Variants in ZNF827 observed in about 807,000 individuals in gnomAD.
ZNF827 encodes the protein zinc finger protein 827.
A neutral mutation model predicts 102.4 loss-of-function variants in ZNF827; 13 were observed. The observed-to-expected ratio is 0.13, with a 90% confidence interval of 0.08 to 0.20. ZNF827 has a LOEUF of 0.20. Among genes scored for constraint, ZNF827 ranks in the 10% least tolerant of loss-of-function variants. The pLI, the probability that ZNF827 is intolerant of heterozygous loss-of-function variation, is 1.00. For synonymous variants in ZNF827, 523 were observed against 536.2 expected (o/e 0.98, Z 0.34); for missense variants, 1,103 against 1,344.4 (o/e 0.82, Z 2.81).
At chr4:145,825,536 G>A (rs528214296) in intron 7 of ZNF827, among the ~76,000 whole-genome samples, 6 of 152,288 alleles carry the variant, frequency 3.9e-5, no homozygotes, top group South Asian at 2.1e-4. Context: ...AGCCAGCAGC[G>A]ACACTTGCAG....
At chr4:145,805,796 A>G (rs1359333829) in intron 8 of ZNF827, among the ~76,000 whole-genome samples, 1 of 151,884 alleles carries the variant, frequency 6.6e-6, no homozygotes, top group African/African-American at 2.4e-5. Context: ...TTCCGCGGTC[A>G]AGCTCACCCT....
chr4:145,764,600 A>G (rs1735001435), intron 13 of ZNF827: 1 of 217,692 alleles, frequency 4.6e-6, no homozygotes. Flanking sequence ...GTAGCAAGCC[A>G]TCGGAAAAAC....
At chr4:145,801,468 C>T (rs1271707968) in intron 8 of ZNF827, among the ~76,000 whole-genome samples, 1 of 152,190 alleles carries the variant, frequency 6.6e-6, no homozygotes, top group East Asian at 1.9e-4. Context: ...TCCATGGGAT[C>T]AGCTAATTCA....
chr4:145,895,709 T>A (rs543145307), intron 2 of ZNF827, among the ~76,000 whole-genome samples: 4 of 152,180 alleles, frequency 2.6e-5, no homozygotes, highest in Admixed American at 6.5e-5. Context: ...TTTAGAGACG[T>A]TCTCCATGTG....
intron 5 of ZNF827, among the ~76,000 whole-genome samples, chr4:145,862,069 C>T (rs555289674): frequency 1.3e-5 from 2 of 151,976 alleles, no homozygotes; most frequent in Non-Finnish European, 2.9e-5. Context: ...CCATATGGGG[C>T]GGGGGAAAGC....
chr4:145,891,497 T>C (rs371887495), intron 3 of ZNF827, among the ~76,000 whole-genome samples: 11 of 152,222 alleles, frequency 7.2e-5, no homozygotes, highest in African/African-American at 2.7e-4. Flanking sequence ...TTTTCCCCCA[T>C]CTCATATAAG....
chr4:145,776,056 G>C, intron 9 of ZNF827, 96 bp from the exon 10 acceptor site: 1 of 1,373,218 alleles, frequency 7.3e-7, no homozygotes, highest in South Asian at 1.3e-5. Flanking sequence ...AGGAAAGAAT[G>C]GTTCAAGTCA....
chr4:145,809,702 C>T (rs1035130165), intron 8 of ZNF827, among the ~76,000 whole-genome samples: 10 of 152,184 alleles, frequency 6.6e-5, no homozygotes, highest in African/African-American at 2.2e-4. Flanking sequence ...AACTGACTGA[C>T]CCCACCCAGA....
intron 13 of ZNF827, 159 bp downstream of exon 13, chr4:145,764,829 A>C: frequency 1.1e-6 from 1 of 933,284 alleles, no homozygotes; most frequent in Non-Finnish European, 1.7e-6. Context: ...GGTCTAATTC[A>C]ATCCAGCTAA....
intron 1 of ZNF827, chr4:145,907,180 A>G (rs76913374): frequency 0.014 from 6,173 of 456,620 alleles, 230 homozygotes; most frequent in African/African-American, 0.096. Context: ...TTCACAAAAC[A>G]GCAAGGATTT....
chr4:145,938,471 C>T lies in ZNF827; in HGVS notation c.-64G>A, dbSNP rs1754397335. ...GAGATCAAATAAACCCCCGTGGGGG[C>T]AGAGAGGCAGACACTGGCAGGAGCG... is the stretch of plus-strand genomic sequence containing the variant. On this transcript the variant is annotated 5_prime_UTR_variant, in exon 1 of 15. Coordinates refer to ENST00000508784, the MANE Select transcript of ZNF827 (RefSeq NM_001306215.2). The T allele has an allele frequency of 1.7e-6, 2 of 1,196,074 alleles. No homozygotes were observed. Among genetic ancestry groups the T allele is most frequent in the African/African-American group, 3.8e-5 (2 of 52,108 alleles). The allele number at this position is 1,196,074 out of a possible 1,614,324, so 74.1% of individuals were successfully genotyped here.
At position 145,775,833 on chromosome 4, in the gene ZNF827, G is replaced by T; in HGVS notation, c.2649C>A (p.Val883=). ...STDTEDIVSA[V]TSEGSDGKKH... is the part of the protein sequence containing the mutation. ...TCTTCCCATCACTGCCTTCAGAGGT[G>T]ACGGCGCTGACAATGTCCTCGGTGT... Residue 883 remains valine (V), a synonymous_variant, in exon 10 of 15, where the codon GTC becomes GTA. Coordinates refer to ENST00000508784, the MANE Select transcript of ZNF827 (RefSeq NM_001306215.2). The T allele has an allele frequency of 6.2e-7, 1 of 1,614,194 alleles. No individual in the cohort carries two copies. Among genetic ancestry groups the T allele is most frequent in the Non-Finnish European group, 8.5e-7 (1 of 1,180,038 alleles).
chr4:145,902,307 G>A lies in ZNF827; in HGVS notation c.952C>T (p.Pro318Ser), dbSNP rs1355408841. 6.3e-7 allele frequency: 1 copy of A among 1,598,658 alleles called. No individual in the cohort carries two copies. The highest frequency in any genetic ancestry group is 1.1e-5 in the South Asian group (1 of 88,062). The change falls in exon 2 of 15, where the codon CCG becomes TCG. Residue 318 changes from proline (P) to serine (S), a missense_variant. Around this residue, in one of 5 missense-constraint regions of ZNF827, gnomAD observed 441 missense variants for 458.6 expected, o/e 0.96. Transcript: ENST00000508784. This position sits in a 1 kb window ranked among gnomAD's most constrained non-coding sequence, Gnocchi z 4.3. ...TTTTCTGGTTTCTTCTCTGAAGGCG[G>A]GGGCGGTAGAGGGTCCTCAGGCAGC... is the stretch of plus-strand genomic sequence containing the variant. ...SLLPEDPLPP[P>S]PSEKKPEKVT...
At chr4:145,855,161 A>G (rs188859309) in intron 5 of ZNF827, among the ~76,000 whole-genome samples, 10 of 152,364 alleles carry the variant, frequency 6.6e-5, no homozygotes, top group Non-Finnish European at 1.2e-4. Context: ...TGGCACTGAT[A>G]TAAACAATAT....
At chr4:145,870,719 C>T in intron 4 of ZNF827, 1 of 412,272 alleles carries the variant, frequency 2.4e-6, no homozygotes, top group Non-Finnish European at 4.4e-6. Context: ...GAAGTGCTAC[C>T]TCTACAAAGT....
At chr4:145,886,991 G>A (rs1373698550) in intron 3 of ZNF827, among the ~76,000 whole-genome samples, 1 of 152,262 alleles carries the variant, frequency 6.6e-6, no homozygotes, top group Admixed American at 6.5e-5. Flanking sequence ...ATTGGCCTGA[G>A]CCAGGCTTTG....
intron 8 of ZNF827, among the ~76,000 whole-genome samples, chr4:145,810,276 G>A (rs1378186898): frequency 6.6e-6 from 1 of 151,990 alleles, no homozygotes; most frequent in African/African-American, 2.4e-5. Flanking sequence ...GCTTACTGAA[G>A]GAAGACGGCT....
At chr4:145,781,779 A>G (rs1307687201) in intron 8 of ZNF827, among the ~76,000 whole-genome samples, 1 of 152,252 alleles carries the variant, frequency 6.6e-6, no homozygotes, top group Non-Finnish European at 1.5e-5. Flanking sequence ...TAATCAAAAC[A>G]GTGCTTCAAA....
At chr4:145,779,339 A>C (rs1458775264) in intron 9 of ZNF827, 35 bp downstream of exon 9, 3 of 1,607,802 alleles carry the variant, frequency 1.9e-6, no homozygotes, top group Non-Finnish European at 2.5e-6. Flanking sequence ...GTGATGGAGC[A>C]TAGAGGGCTG....
Sources: gnomAD v4.1 joint callset for allele counts (sites outside exome capture counted in the v4.1 genomes callset) on GRCh38, gnomAD v4.1.1 for gene constraint, gnomAD v4.1.1 regional missense constraint, Gnocchi (gnomAD v3.1) non-coding constraint, MANE v1.5 for transcripts, NCBI Gene and HGNC (gene_info 2026-07-23, HGNC 2026-07-21) for gene names.